EYA1: variants seen among roughly 807,000 people sequenced by gnomAD.
EYA1 encodes EYA transcriptional coactivator and phosphatase 1.
A neutral mutation model predicts 82.0 loss-of-function variants in EYA1; 16 were observed. The ratio of observed to expected loss-of-function variants is 0.20; its 90% CI spans 0.13 to 0.30. EYA1 has a LOEUF of 0.30. Ranked by LOEUF, EYA1 falls within the 10% of genes least tolerant of loss-of-function variation. The probability of loss-of-function intolerance (pLI) is 1.00; values close to 1 mark genes in which losing one functional copy is unlikely to be tolerated. For missense variants in EYA1, 633 were observed against 730.7 expected (o/e 0.87, Z 1.54); for synonymous variants, 261 against 264.4 (o/e 0.99, Z 0.12).
chr8:71,312,781 T>C (rs769641383), intron 7 of EYA1, among the ~76,000 whole-genome samples: 2 of 152,232 alleles, frequency 1.3e-5, no homozygotes, highest in African/African-American at 2.4e-5. Flanking sequence ...TTAAATAAGA[T>C]GTCACAAGGG....
intron 16 of EYA1, among the ~76,000 whole-genome samples, chr8:71,213,395 C>G (rs2128843242): frequency 6.6e-6 from 1 of 152,284 alleles, no homozygotes; most frequent in East Asian, 1.9e-4. Context: ...TGCTGGTAAA[C>G]CTTTTCCACA....
chr8:71,214,126 CCT>C (rs1808881681), intron 16 of EYA1, among the ~76,000 whole-genome samples: 1 of 152,096 alleles, frequency 6.6e-6, no homozygotes, highest in African/African-American at 2.4e-5. Flanking sequence ...CATTTTTGCC[CCT>C]TTTTATTATA....
intron 7 of EYA1, among the ~76,000 whole-genome samples, chr8:71,305,646 C>CAAATAAATAAATAAAT (rs3086567): frequency 5.4e-4 from 80 of 146,794 alleles, no homozygotes; most frequent in Non-Finnish European, 7.1e-4. Flanking sequence ...AACTCTATCT[C>CAAATAAATAAATAAAT]AAATAAATAA....
At chr8:71,325,658 T>A (rs991509804) in intron 4 of EYA1, among the ~76,000 whole-genome samples, 20 of 152,190 alleles carry the variant, frequency 1.3e-4, no homozygotes, top group Non-Finnish European at 2.5e-4. Context: ...CAATATAGAT[T>A]GGAGTAAGTA....
intron 11 of EYA1, among the ~76,000 whole-genome samples, chr8:71,251,066 G>GATT: frequency 6.6e-6 from 1 of 152,296 alleles, no homozygotes; most frequent in East Asian, 1.9e-4. Flanking sequence ...GATTAAGGAA[G>GATT]AGCCCATTCT....
At chr8:71,334,210 AAT>A in intron 3 of EYA1, 36 bp from the exon 4 acceptor site, 1 of 1,412,914 alleles carries the variant, frequency 7.1e-7, no homozygotes, top group South Asian at 1.1e-5. Flanking sequence ...ATATTGAATT[AAT>A]AGTTATTTGT....
At chr8:71,538,560 T>C (rs989880527) in intron 1 of EYA1, among the ~76,000 whole-genome samples, 4 of 152,194 alleles carry the variant, frequency 2.6e-5, no homozygotes, top group Non-Finnish European at 5.9e-5. Flanking sequence ...AACTGGTGAC[T>C]TGATGTTTAC....
intron 2 of EYA1, among the ~76,000 whole-genome samples, chr8:71,463,178 G>A (rs1298568129): frequency 6.6e-6 from 1 of 152,160 alleles, no homozygotes; most frequent in Non-Finnish European, 1.5e-5. Flanking sequence ...GTGTTCAATA[G>A]CCACATGTGG....
At chr8:71,265,047 G>A (rs1815616841) in intron 11 of EYA1, among the ~76,000 whole-genome samples, 1 of 152,154 alleles carries the variant, frequency 6.6e-6, no homozygotes, top group Admixed American at 6.5e-5. Flanking sequence ...ATTCAAATCC[G>A]ATCCTCTTTC....
intron 2 of EYA1, chr8:71,529,484 C>T (rs1432286865): frequency 6.6e-6 from 1 of 152,174 alleles, no homozygotes; most frequent in Non-Finnish European, 1.5e-5. Flanking sequence ...ATCTCCCCAT[C>T]TGCAAAATGA....
intron 3 of EYA1, among the ~76,000 whole-genome samples, chr8:71,336,087 C>A (rs1824452293): frequency 3.3e-5 from 5 of 152,164 alleles, no homozygotes; most frequent in Admixed American, 3.3e-4. Flanking sequence ...TTCCCATGCA[C>A]ACATTAAAAC....
At chr8:71,364,112 T>C (rs1795248120), upstream of EYA1, among the ~76,000 whole-genome samples, 1 of 151,902 alleles carries the variant, frequency 6.6e-6, no homozygotes, top group Non-Finnish European at 1.5e-5. Context: ...CATATAATTA[T>C]GAAGAAAATT....
chr8:71,321,371 G>A (rs1822525891), intron 6 of EYA1, among the ~76,000 whole-genome samples: 2 of 152,156 alleles, frequency 1.3e-5, no homozygotes, highest in Admixed American at 1.3e-4. Context: ...CTGATAAATA[G>A]GAAATGAATC....
chr8:71,280,815 C>A (rs1307612412), intron 9 of EYA1, among the ~76,000 whole-genome samples: 1 of 152,136 alleles, frequency 6.6e-6, no homozygotes, highest in African/African-American at 2.4e-5. Context: ...GTGGCATAAT[C>A]ACAGTTCACT....
chr8:71,528,546 C>G (rs1213675585), intron 2 of EYA1, among the ~76,000 whole-genome samples: 2 of 152,178 alleles, frequency 1.3e-5, no homozygotes, highest in African/African-American at 4.8e-5. Flanking sequence ...CTTGCCTGTT[C>G]AAATGAAAAA....
intron 2 of EYA1, among the ~76,000 whole-genome samples, chr8:71,498,556 C>T (rs1009847436): frequency 5.9e-5 from 9 of 152,018 alleles, no homozygotes; most frequent in Non-Finnish European, 1.0e-4. Context: ...CATGAACATT[C>T]GCTACTAAAC....
intron 2 of EYA1, among the ~76,000 whole-genome samples, chr8:71,425,104 CAAAAAAAAA>C (rs71264555): frequency 6.4e-4 from 48 of 75,276 alleles, no homozygotes; most frequent in African/African-American, 2.2e-3. Flanking sequence ...ACTAAAAATA[CAAAAAAAAA>C]AAAAAAAAAA....
rs377486216 is a variant in EYA1 at position 71,469,117 on chromosome 8, C to T, written c.33+66627G>A. The stretch of plus-strand genomic sequence containing the variant: ...TTTTATTAATTCAATCTAATTATAA[C>T]ATATAGTATGTTTTAGGCACCCTAG... On this transcript the variant is annotated intron_variant, in intron 2 of 18. Transcript: ENST00000643681. Among the ~76,000 whole-genome samples, 48 of 151,878 alleles carry T rather than the reference C, an allele frequency of 3.2e-4. 1 individual carries two copies. In the South Asian group the frequency reaches 9.5e-3, roughly 30 times the overall value.
chr8:71,401,307 A>C lies in EYA1; in HGVS notation c.34-44796T>G, dbSNP rs1829945561. Among the ~76,000 whole-genome samples, 3 of 152,256 alleles carry C rather than the reference A, an allele frequency of 2.0e-5. No homozygotes were observed. The South Asian group carries it at 6.2e-4, about 31-fold the overall frequency. On this transcript the variant is annotated intron_variant, in intron 2 of 18. Coordinates refer to the EYA1 transcript ENST00000643681. ...ACTTAAAATAAATTTTTTAAAAATC[A>C]GACACAGCAAGAGTTTCTCTATTTT...
Sources: allele counts gnomAD v4.1 joint callset (sites outside exome capture counted in the v4.1 genomes callset), GRCh38; gene constraint gnomAD v4.1.1; transcripts MANE v1.5; gene names NCBI Gene and HGNC (gene_info 2026-07-23, HGNC 2026-07-21).